The following SLC35F4 variants were observed in gnomAD, a reference collection of about 807,000 sequenced individuals.
SLC35F4 encodes the protein solute carrier family 35 member F4.
In SLC35F4, 24 loss-of-function variants were observed where a neutral mutation model predicts 44.2. The ratio of observed to expected loss-of-function variants is 0.54; its 90% confidence interval spans 0.39 to 0.76. The LOEUF is 0.76. Ranked by LOEUF, SLC35F4 falls within the 30% of genes least tolerant of loss-of-function variation. SLC35F4 has a pLI of 0.00. For missense variants in SLC35F4, 562 were observed against 586.1 expected (o/e 0.96, Z 0.42); for synonymous variants, 238 against 223.6 (o/e 1.06, Z -0.57).
At chr14:57,929,886 T>C (rs1277578175) in intron 1 of SLC35F4, among the ~76,000 whole-genome samples, 1 of 152,146 alleles carries the variant, frequency 6.6e-6, no homozygotes, top group Non-Finnish European at 1.5e-5. Flanking sequence ...TTGGGATGGG[T>C]GTCATCAACA....
At chr14:57,957,907 A>G (rs964403359) in intron 1 of SLC35F4, among the ~76,000 whole-genome samples, 2 of 152,210 alleles carry the variant, frequency 1.3e-5, no homozygotes, top group Non-Finnish European at 2.9e-5. Context: ...ACTTACGTAT[A>G]TATTTCCCCT....
chr14:57,596,731 A>G (rs2070512672), intron 1 of SLC35F4: 3 of 1,299,968 alleles, frequency 2.3e-6, no homozygotes, highest in Non-Finnish European at 3.1e-6. Flanking sequence ...TGTTGAATGT[A>G]TAAGCCACAC....
At chr14:57,777,909 A>G (rs571827182) in intron 1 of SLC35F4, among the ~76,000 whole-genome samples, 9 of 152,290 alleles carry the variant, frequency 5.9e-5, no homozygotes, top group Admixed American at 4.6e-4. Context: ...ATGGAGAAAA[A>G]TCTACAAAGC....
At chr14:57,890,121 G>A (rs1253663945) in intron 1 of SLC35F4, among the ~76,000 whole-genome samples, 3 of 151,880 alleles carry the variant, frequency 2.0e-5, no homozygotes, top group South Asian at 2.1e-4. Context: ...TGAGATGTAC[G>A]GAGGCCTTCA....
chr14:57,872,142 C>T (rs564665031), intron 1 of SLC35F4, among the ~76,000 whole-genome samples: 3 of 152,230 alleles, frequency 2.0e-5, no homozygotes, highest in Non-Finnish European at 4.4e-5. Flanking sequence ...AATACATCCA[C>T]ATCTTGAATG....
chr14:57,721,931 C>T (rs761767444), intron 1 of SLC35F4, among the ~76,000 whole-genome samples: 5 of 151,944 alleles, frequency 3.3e-5, no homozygotes, highest in Admixed American at 2.6e-4. Flanking sequence ...TGTTGATTCT[C>T]ATTATCTTGC....
chr14:57,678,247 A>G (rs544941308), intron 1 of SLC35F4, among the ~76,000 whole-genome samples: 1 of 152,102 alleles, frequency 6.6e-6, no homozygotes, highest in Non-Finnish European at 1.5e-5. Flanking sequence ...AGAACTGTCA[A>G]CCCAGAATTT....
chr14:57,959,747 C>T (rs180822274), intron 1 of SLC35F4, among the ~76,000 whole-genome samples: 12 of 152,236 alleles, frequency 7.9e-5, no homozygotes, highest in Admixed American at 7.2e-4. Context: ...ATACCTACCT[C>T]ATATATTTGT....
At chr14:57,706,357 A>G (rs771744423) in intron 1 of SLC35F4, among the ~76,000 whole-genome samples, 1 of 152,194 alleles carries the variant, frequency 6.6e-6, no homozygotes, top group African/African-American at 2.4e-5. Flanking sequence ...AAAGCTGAAA[A>G]TGTAACTTCA....
rs1039235391 is a variant in SLC35F4, at chr14:57,849,494, T to C, written c.103+16229A>G. ...ATTTTTTTTTAAATTTTAAAACAAC[T>C]TGGAGGAAACAGACCATTCAGGGGA... On this transcript the variant is annotated intron_variant, in intron 1 of 7. Coordinates refer to ENST00000556826, the MANE Select transcript of SLC35F4 (RefSeq NM_001306087.2). Among the ~76,000 whole-genome samples, 4 of 152,072 alleles carry C rather than the reference T, an allele frequency of 2.6e-5. No homozygotes were observed. In the East Asian group the frequency reaches 7.7e-4, roughly 29 times the overall value.
At chr14:57,612,627 G>A (rs1049644013) in intron 1 of SLC35F4, among the ~76,000 whole-genome samples, 2 of 152,152 alleles carry the variant, frequency 1.3e-5, no homozygotes, top group Non-Finnish European at 2.9e-5. Flanking sequence ...TCCAGTATTG[G>A]CACTTAGTGG....
intron 1 of SLC35F4, among the ~76,000 whole-genome samples, chr14:57,691,293 C>T (rs990784478): frequency 1.3e-5 from 2 of 152,132 alleles, no homozygotes; most frequent in African/African-American, 4.8e-5. Context: ...ACATATCACA[C>T]ACTATAATGG....
At chr14:57,815,811 C>A (rs1411304615) in intron 1 of SLC35F4, among the ~76,000 whole-genome samples, 2 of 152,154 alleles carry the variant, frequency 1.3e-5, no homozygotes, top group African/African-American at 4.8e-5. Flanking sequence ...AATAACTTTT[C>A]TTACATTCCT....
chr14:57,973,426 A>G (rs1013420109), downstream of SLC35F4, among the ~76,000 whole-genome samples: 2 of 152,288 alleles, frequency 1.3e-5, no homozygotes, highest in South Asian at 2.1e-4. Flanking sequence ...TTGGGTCTAC[A>G]CACCTTACCT....
intron 1 of SLC35F4, among the ~76,000 whole-genome samples, chr14:57,833,072 T>C (rs1884545361): frequency 6.6e-6 from 1 of 152,198 alleles, no homozygotes; most frequent in Non-Finnish European, 1.5e-5. Flanking sequence ...CACATATGCA[T>C]AAAGAACAAG....
chr14:57,744,875 A>G (rs528937061), intron 1 of SLC35F4, among the ~76,000 whole-genome samples: 2 of 152,208 alleles, frequency 1.3e-5, no homozygotes, highest in Non-Finnish European at 2.9e-5. Context: ...ACAGCATGGT[A>G]CTGGTACCAA....
chr14:57,855,514 G>T (rs780979067), intron 1 of SLC35F4, among the ~76,000 whole-genome samples: 1 of 152,162 alleles, frequency 6.6e-6, no homozygotes. Context: ...AGTTAGAATG[G>T]CGATCATTTA....
chr14:57,899,758 G>C (rs1296180421), intron 1 of SLC35F4, among the ~76,000 whole-genome samples: 2 of 152,154 alleles, frequency 1.3e-5, no homozygotes, highest in African/African-American at 2.4e-5. Flanking sequence ...CTGGGTGGTG[G>C]TGTGTCCAGA....
intron 1 of SLC35F4, among the ~76,000 whole-genome samples, chr14:57,892,820 C>T (rs1351792521): frequency 6.6e-6 from 1 of 151,986 alleles, no homozygotes; most frequent in Non-Finnish European, 1.5e-5. Context: ...TTTCTTTCTC[C>T]ACAAATAACC....
Sources: allele counts gnomAD v4.1 joint callset (sites outside exome capture counted in the v4.1 genomes callset), GRCh38; gene constraint gnomAD v4.1.1; transcripts MANE v1.5; gene names NCBI Gene and HGNC (gene_info 2026-07-23, HGNC 2026-07-21).